The following APP variants were observed in gnomAD, a reference collection of about 807,000 sequenced individuals.
APP encodes amyloid beta precursor protein.
APP carries 31 observed loss-of-function variants against 101.4 expected under a neutral mutation model. The ratio of observed to expected loss-of-function variants is 0.31; its 90% CI spans 0.23 to 0.41. The LOEUF (loss-of-function observed/expected upper bound fraction) is 0.41. Ranked by LOEUF, APP falls within the 10% of genes least tolerant of loss-of-function variation. The probability of loss-of-function intolerance (pLI) is 1.00; values close to 1 mark genes in which losing one functional copy is unlikely to be tolerated. For missense variants in APP, 839 were observed against 1,003.7 expected, an observed-to-expected ratio of 0.84 and a Z score of 2.22; for synonymous variants, 366 against 364.4, an observed-to-expected ratio of 1.00 and a Z score of -0.05.
intron 5 of APP, among the ~76,000 whole-genome samples, chr21:26,036,673 T>C (rs1018314205): frequency 1.8e-4 from 28 of 152,154 alleles, no homozygotes; most frequent in African/African-American, 6.8e-4. Context: ...GAATGGAACA[T>C]ACATAGCCAA....
intron 5 of APP, among the ~76,000 whole-genome samples, chr21:26,032,514 A>G (rs918805321): frequency 1.3e-5 from 2 of 152,176 alleles, no homozygotes; most frequent in South Asian, 2.1e-4. Context: ...GACTATGAAC[A>G]TGTCACTTAG....
intron 5 of APP, among the ~76,000 whole-genome samples, chr21:26,030,729 T>TA (rs2044780549): frequency 6.6e-6 from 1 of 152,196 alleles, no homozygotes; most frequent in South Asian, 2.1e-4. Context: ...AAATTCTTGA[T>TA]ATGTGAAAAA....
intron 6 of APP, 147 bp downstream of exon 6, chr21:26,021,693 A>C (rs991061487): frequency 8.3e-7 from 1 of 1,208,576 alleles, no homozygotes; most frequent in African/African-American, 1.5e-5. Context: ...TAAACCAAAA[A>C]AATTTCACAA....
intron 5 of APP, among the ~76,000 whole-genome samples, chr21:26,025,498 G>A (rs989762805): frequency 8.5e-5 from 13 of 152,192 alleles, no homozygotes; most frequent in South Asian, 2.1e-4. Context: ...GGACAGCACC[G>A]TGTTTCCAGG....
At chr21:26,121,278 A>C (rs553934647) in intron 1 of APP, among the ~76,000 whole-genome samples, 3 of 152,274 alleles carry the variant, frequency 2.0e-5, no homozygotes, top group African/African-American at 7.2e-5. Context: ...CATAATTTGC[A>C]AGTTTAATTG....
rs990627082 is a variant in APP, at chr21:25,920,283, G to T, written c.1688-8321C>A. Among the ~76,000 whole-genome samples the T allele has an allele frequency of 6.0e-3, 910 of 152,194 alleles. 15 individuals carry two copies. Among genetic ancestry groups the T allele is most frequent in the African/African-American group, 0.02 (851 of 41,536 alleles). On this transcript the variant is annotated intron_variant, in intron 13 of 17. Coordinates refer to ENST00000346798, the MANE Select transcript of APP (RefSeq NM_000484.4). The stretch of plus-strand genomic sequence containing the variant: ...AGCCGCTGCAAAATCATGCCAAAAT[G>T]TAAAGACCATCAAGACTAGGAAGAA...
intron 13 of APP, among the ~76,000 whole-genome samples, chr21:25,916,965 T>C (rs537800654): frequency 2.0e-4 from 31 of 152,288 alleles, no homozygotes; most frequent in African/African-American, 6.5e-4. Flanking sequence ...CTTGCTCTTT[T>C]ACAAATGCTT....
chr21:26,053,645 G>A, intron 3 of APP: 1 of 317,892 alleles, frequency 3.1e-6, no homozygotes, highest in Non-Finnish European at 6.1e-6. Flanking sequence ...TGCTTAACTA[G>A]AGAACCAATT....
chr21:25,976,382 C>A (rs1157832484), intron 9 of APP, among the ~76,000 whole-genome samples: 1 of 152,118 alleles, frequency 6.6e-6, no homozygotes, highest in Non-Finnish European at 1.5e-5. Flanking sequence ...CAATATTAAA[C>A]TGAACACCTA....
chr21:25,988,958 A>C (rs2042751370), intron 8 of APP, among the ~76,000 whole-genome samples: 2 of 152,124 alleles, frequency 1.3e-5, no homozygotes, highest in Non-Finnish European at 2.9e-5. Flanking sequence ...GCCACTTCAC[A>C]CTGTGATCTA....
chr21:26,125,192 T>G (rs990091984), intron 1 of APP, among the ~76,000 whole-genome samples: 2 of 152,178 alleles, frequency 1.3e-5, no homozygotes, highest in African/African-American at 4.8e-5. Flanking sequence ...GTGAAGTCAC[T>G]GGGAGCTGCT....
At chr21:25,907,216 A>G (rs2038838489) in intron 14 of APP, among the ~76,000 whole-genome samples, 1 of 152,218 alleles carries the variant, frequency 6.6e-6, no homozygotes, top group South Asian at 2.1e-4. Context: ...CCTATTTTTT[A>G]GGAAGATTAA....
chr21:26,039,085 T>C (rs895543826), intron 5 of APP, among the ~76,000 whole-genome samples: 4 of 152,206 alleles, frequency 2.6e-5, no homozygotes, highest in Non-Finnish European at 4.4e-5. Context: ...TGGTTTCTGT[T>C]TCCACCCAAT....
chr21:26,133,995 A>G (rs1378410409), intron 1 of APP, among the ~76,000 whole-genome samples: 3 of 152,132 alleles, frequency 2.0e-5, no homozygotes, highest in Admixed American at 6.5e-5. Flanking sequence ...TAACCCATTG[A>G]CTTCGCTTAT....
intron 17 of APP, among the ~76,000 whole-genome samples, chr21:25,889,853 C>A (rs1436725217): frequency 6.6e-6 from 1 of 151,646 alleles, no homozygotes; most frequent in Non-Finnish European, 1.5e-5. Context: ...TCTCAAAAAA[C>A]AAAGAAACAA....
chr21:26,069,601 C>T (rs2046594747), intron 3 of APP, among the ~76,000 whole-genome samples: 1 of 152,154 alleles, frequency 6.6e-6, no homozygotes, highest in Admixed American at 6.5e-5. Context: ...TATTTCTCTC[C>T]TAAGTGTGAG....
chr21:26,101,823 C>T (rs950151842), intron 2 of APP, among the ~76,000 whole-genome samples: 1 of 152,116 alleles, frequency 6.6e-6, no homozygotes, highest in Non-Finnish European at 1.5e-5. Flanking sequence ...AATTTGCAAC[C>T]TCATTCTACC....
At chr21:25,997,912 T>C (rs1469059602) in intron 7 of APP, among the ~76,000 whole-genome samples, 3 of 152,160 alleles carry the variant, frequency 2.0e-5, no homozygotes, top group South Asian at 2.1e-4. Flanking sequence ...CCTCATCTAA[T>C]ACATCTCTGT....
At chr21:26,097,858 A>T (rs2146144565) in intron 2 of APP, among the ~76,000 whole-genome samples, 1 of 152,264 alleles carries the variant, frequency 6.6e-6, no homozygotes, top group South Asian at 2.1e-4. Context: ...AGACGGGTGG[A>T]TCACAAGGTC....
Sources: gnomAD v4.1 joint callset for allele counts (sites outside exome capture counted in the v4.1 genomes callset) on GRCh38, gnomAD v4.1.1 for gene constraint, MANE v1.5 for transcripts, NCBI Gene and HGNC (gene_info 2026-07-23, HGNC 2026-07-21) for gene names.